The following ENAH variants were observed in gnomAD, a reference collection of about 807,000 sequenced individuals.
The protein encoded by ENAH is protein enabled homolog.
ENAH carries 23 observed loss-of-function variants against 78.7 expected under a neutral mutation model. That is an observed-to-expected ratio of 0.29 (90% CI 0.21 to 0.41). The LOEUF is 0.41. ENAH is among the 10% of genes least tolerant of loss of function. The pLI, the probability that ENAH is intolerant of heterozygous loss-of-function variation, is 1.00. For synonymous variants in ENAH, 226 were observed against 241.0 expected (o/e 0.94, Z 0.58); for missense variants, 544 against 691.0 (o/e 0.79, Z 2.39).
chr1:225,601,663 T>C (rs1318336310), intron 1 of ENAH, among the ~76,000 whole-genome samples: 1 of 152,092 alleles, frequency 6.6e-6, no homozygotes, highest in African/African-American at 2.4e-5. Context: ...TCACATACCC[T>C]AAACATTTAT....
At chr1:225,553,161 G>T (rs983678755) in intron 3 of ENAH, among the ~76,000 whole-genome samples, 42 of 152,172 alleles carry the variant, frequency 2.8e-4, no homozygotes, top group African/African-American at 1.0e-3. Flanking sequence ...TCGAACCCGG[G>T]AGGCAGAGGT....
intron 1 of ENAH, among the ~76,000 whole-genome samples, chr1:225,642,646 G>C (rs1275229612): frequency 6.6e-6 from 1 of 152,058 alleles, no homozygotes; most frequent in Non-Finnish European, 1.5e-5. Context: ...CTCCAGCCCG[G>C]GTAACAGCTT....
chr1:225,604,077 G>T (rs1575686070), intron 1 of ENAH, among the ~76,000 whole-genome samples: 2 of 152,142 alleles, frequency 1.3e-5, no homozygotes, highest in African/African-American at 4.8e-5. Flanking sequence ...GCAAAAACTT[G>T]CATGTATGCC....
At chr1:225,507,904 T>A in intron 11 of ENAH, 47 bp downstream of exon 11, 1 of 1,364,066 alleles carries the variant, frequency 7.3e-7, no homozygotes, top group Non-Finnish European at 9.9e-7. Flanking sequence ...TGCATTAATT[T>A]TTTTTTATAC....
chr1:225,570,765 C>T (rs2096757933), intron 1 of ENAH, among the ~76,000 whole-genome samples: 1 of 149,450 alleles, frequency 6.7e-6, no homozygotes, highest in Admixed American at 6.7e-5. Context: ...GGGAGACCAG[C>T]CTGACCAACA....
chr1:225,606,287 C>A (rs1442261729), intron 1 of ENAH, among the ~76,000 whole-genome samples: 1 of 151,876 alleles, frequency 6.6e-6, no homozygotes, highest in Non-Finnish European at 1.5e-5. Flanking sequence ...CACAGCAAAA[C>A]CCCATTTCTA....
rs2096225743 is a variant in ENAH, at chr1:225,492,260, A to T, written c.*5515T>A. On this transcript the variant is annotated 3_prime_UTR_variant, in exon 14 of 14. Coordinates refer to ENST00000366843, the MANE Select transcript of ENAH (RefSeq NM_018212.6). ...ACCACCATGCCTGGCCTAAATTTTT[A>T]AATTTTTTTGTAGAAATGAGTCTCC... The T allele has an allele frequency of 6.6e-6, 1 of 151,822 alleles. No homozygotes were observed. The highest frequency in any genetic ancestry group is 6.6e-5 in the Admixed American group (1 of 15,246). The allele number at this position is 151,822 out of a possible 1,614,324, so 9.4% of individuals were successfully genotyped here.
chr1:225,500,966 A>G, intron 12 of ENAH, 26 bp downstream of exon 12: 1 of 1,604,888 alleles, frequency 6.2e-7, no homozygotes, highest in Non-Finnish European at 8.5e-7. Flanking sequence ...AGTACAAATA[A>G]AGGAAAGCTG....
Position 225,652,894 on chromosome 1 carries a change from G to A in ENAH, c.-204C>T. ...GGGAGTGTGGGAGAAGAGGGCGAGAGAAAGGCTGGGGAGGGGGCGGAGAGG... is the reference window on the plus strand; with the variant it reads ...GGGAGTGTGGGAGAAGAGGGCGAGAAAAAGGCTGGGGAGGGGGCGGAGAGG... On this transcript the variant is annotated 5_prime_UTR_variant, in exon 1 of 14. Transcript: ENST00000366843. 1 of 400,890 alleles carries A rather than the reference G, an allele frequency of 2.5e-6. No individual in the cohort carries two copies. The highest frequency in any genetic ancestry group is 4.4e-6 in the Non-Finnish European group (1 of 229,412). The allele number at this position is 400,890 out of a possible 1,614,324, so 24.8% of individuals were successfully genotyped here. A position where few individuals can be genotyped will look rare whatever the true frequency, so the allele number is the denominator to read the frequency against.
chr1:225,619,349 C>T (rs946208964), intron 1 of ENAH, among the ~76,000 whole-genome samples: 5 of 152,088 alleles, frequency 3.3e-5, no homozygotes, highest in African/African-American at 1.2e-4. Context: ...TTGAGACCAG[C>T]CTGGCCAACA....
chr1:225,634,895 T>G (rs1419700941), intron 1 of ENAH, among the ~76,000 whole-genome samples: 1 of 152,226 alleles, frequency 6.6e-6, no homozygotes, highest in Non-Finnish European at 1.5e-5. Flanking sequence ...AAGATTATTT[T>G]GGCTATTTGG....
At chr1:225,551,881 G>A (rs2096642187) in intron 3 of ENAH, among the ~76,000 whole-genome samples, 1 of 152,158 alleles carries the variant, frequency 6.6e-6, no homozygotes, top group Non-Finnish European at 1.5e-5. Flanking sequence ...GTAAAGGGAA[G>A]GGAGATGTAA....
intron 3 of ENAH, among the ~76,000 whole-genome samples, chr1:225,552,223 G>A (rs1029692220): frequency 7.3e-6 from 1 of 136,256 alleles, no homozygotes; most frequent in Admixed American, 8.3e-5. Flanking sequence ...TGCAAGCTCC[G>A]CCTCCCGGGT....
chr1:225,571,938 G>C (rs1187257402), intron 1 of ENAH, among the ~76,000 whole-genome samples: 1 of 152,050 alleles, frequency 6.6e-6, no homozygotes, highest in African/African-American at 2.4e-5. Context: ...ATAATAAATG[G>C]GTAATAGTGA....
intron 1 of ENAH, among the ~76,000 whole-genome samples, chr1:225,651,142 G>T (rs1662917377): frequency 6.6e-6 from 1 of 151,868 alleles, no homozygotes. Context: ...TGTGTTTTTT[G>T]GTTCGTATGC....
At position 225,571,425 on chromosome 1, in the gene ENAH, C is replaced by T. The variant is rs74839380; in HGVS notation, c.6-4011G>A. 5.9e-3 allele frequency among the ~76,000 whole-genome samples: 902 copies of T among 152,082 alleles called. 6 individuals are homozygous for T. Among genetic ancestry groups the T allele is most frequent in the Middle Eastern group, 0.027 (8 of 294 alleles). On this transcript the variant is annotated intron_variant, in intron 1 of 13. Coordinates refer to ENST00000366843, the MANE Select transcript of ENAH (RefSeq NM_018212.6). ...ACAAAAGAAAAGTTGCACTTGGGGG[C>T]CAGAGTCCCTAACCTCCTCCACCCC...
chr1:225,601,345 C>T (rs370680154), intron 1 of ENAH, among the ~76,000 whole-genome samples: 6 of 151,982 alleles, frequency 3.9e-5, no homozygotes, highest in African/African-American at 1.2e-4. Flanking sequence ...AGTGAAACCC[C>T]GTGTCTACTA....
At chr1:225,583,650 C>T (rs565541328) in intron 1 of ENAH, among the ~76,000 whole-genome samples, 2 of 149,552 alleles carry the variant, frequency 1.3e-5, no homozygotes, top group South Asian at 4.3e-4. Flanking sequence ...CTACTAAATA[C>T]AAAAAAAGTT....
At chr1:225,507,246 C>T (rs2096339281) in intron 11 of ENAH, among the ~76,000 whole-genome samples, 1 of 151,972 alleles carries the variant, frequency 6.6e-6, no homozygotes, top group Non-Finnish European at 1.5e-5. Context: ...ATACATGTTT[C>T]TACTTTACAA....
Sources: allele counts gnomAD v4.1 joint callset (sites outside exome capture counted in the v4.1 genomes callset), GRCh38; gene constraint gnomAD v4.1.1; transcripts MANE v1.5; gene names NCBI Gene and HGNC (gene_info 2026-07-23, HGNC 2026-07-21).